The following VSIG1 variants were observed in gnomAD, a reference collection of about 807,000 sequenced individuals.
The protein encoded by VSIG1 is V-set and immunoglobulin domain-containing protein 1.
A neutral mutation model predicts 20.1 loss-of-function variants in VSIG1; 11 were observed. The observed-to-expected ratio is 0.55, with a 90% CI of 0.34 to 0.91. The LOEUF is 0.91. Ranked by LOEUF, VSIG1 falls within the 40% of genes least tolerant of loss-of-function variation. VSIG1 has a pLI of 0.02. For missense variants in VSIG1, 283 were observed against 298.8 expected (o/e 0.95, Z 0.39); for synonymous variants, 126 against 116.7 (o/e 1.08, Z -0.52).
chrX:108,046,445 C>T (rs936533975), intron 1 of VSIG1, among the ~76,000 whole-genome samples: 3 of 111,028 alleles, frequency 2.7e-5, no homozygotes, highest in African/African-American at 6.6e-5. Flanking sequence ...CCAGTTGGGT[C>T]GACCCCTGGG....
intron 4 of VSIG1, 133 bp downstream of exon 4, chrX:108,072,965 C>A: frequency 1.4e-6 from 1 of 693,576 alleles, no homozygotes; most frequent in Non-Finnish European, 2.1e-6. Context: ...TGGAGGGGGG[C>A]GGCTGGTAAT....
chrX:108,046,151 G>A lies in VSIG1; in HGVS notation c.49+972G>A, dbSNP rs755409889. Among the ~76,000 whole-genome samples, 5 of 111,397 alleles carry A rather than the reference G, an allele frequency of 4.5e-5. No homozygotes were observed. The South Asian group carries it at 1.9e-3, about 43-fold the overall frequency. ...TTTTCATACTTCCTGGGTTTTCTAC[G>A]AAGAACATTATGCTATTTTTATAAT... On this transcript the variant is annotated intron_variant, in intron 1 of 6. Transcript: ENST00000217957.
intron 1 of VSIG1, among the ~76,000 whole-genome samples, chrX:108,047,963 T>C (rs151298806): frequency 0.053 from 417 of 7,928 alleles, 37 homozygotes; most frequent in African/African-American, 0.095. Context: ...TACACACACA[T>C]ATATATATAT....
chrX:108,060,542 C>T (rs191686768), intron 2 of VSIG1, among the ~76,000 whole-genome samples: 1 of 111,438 alleles, frequency 9.0e-6, no homozygotes, highest in Non-Finnish European at 1.9e-5. Flanking sequence ...TCTAAAGAAC[C>T]GGAGTCCTTC....
intron 6 of VSIG1, among the ~76,000 whole-genome samples, chrX:108,076,610 A>G (rs900979986): frequency 1.8e-5 from 2 of 112,353 alleles, no homozygotes; most frequent in Non-Finnish European, 3.8e-5. Flanking sequence ...CCCACAGCTC[A>G]TGCTCTTAAT....
chrX:108,069,753 G>A (rs747707884), intron 3 of VSIG1, among the ~76,000 whole-genome samples: 11 of 111,897 alleles, frequency 9.8e-5, no homozygotes, highest in South Asian at 7.5e-4. Flanking sequence ...TAAAAGATAG[G>A]GTCTTAGCCC....
chrX:108,037,010 A>G, the VSIG1 span, among the ~76,000 whole-genome samples: 1 of 111,809 alleles, frequency 8.9e-6, no homozygotes, highest in Admixed American at 9.5e-5. Context: ...TTGGAGAGAC[A>G]GAGAGATGTA....
In VSIG1 at chrX:108,078,387, C is replaced by A. The variant is rs1168991180; in HGVS notation, c.*1006C>A. Reference sequence around the variant, plus strand: ...GGTGGATCACCTGAGGTCAGGAGTTCGAGACCAGCCTGGCCAACATGGCGA... The same window carrying A: ...GGTGGATCACCTGAGGTCAGGAGTTAGAGACCAGCCTGGCCAACATGGCGA... On this transcript the variant is annotated 3_prime_UTR_variant, in exon 7 of 7. Transcript: ENST00000217957. 9.0e-6 allele frequency: 1 copy of A among 111,635 alleles called. No individual in the cohort carries two copies. Among genetic ancestry groups the A allele is most frequent in the Non-Finnish European group, 1.9e-5 (1 of 53,103 alleles). 9.2% of individuals were successfully genotyped at this position (111,635 alleles called of 1,213,427 possible). A position where few individuals can be genotyped will look rare whatever the true frequency, so the allele number is the denominator to read the frequency against.
chrX:108,041,034 A>G (rs1185606506), upstream of VSIG1, among the ~76,000 whole-genome samples: 1 of 107,380 alleles, frequency 9.3e-6, no homozygotes, highest in Non-Finnish European at 1.9e-5. Flanking sequence ...TTACTATCAA[A>G]ATGTATTACT....
the VSIG1 span, among the ~76,000 whole-genome samples, chrX:108,020,695 C>T: frequency 1.8e-5 from 2 of 111,400 alleles, no homozygotes; most frequent in Admixed American, 1.9e-4. Flanking sequence ...ATCTTTTTTC[C>T]CACTAGGTCA....
intron 2 of VSIG1, chrX:108,064,817 A>G (rs2031095790): frequency 2.9e-6 from 2 of 699,963 alleles, no homozygotes; most frequent in Non-Finnish European, 1.7e-6. Context: ...CAAACTGTCA[A>G]TTAGAAAGTA....
rs371829540 is a variant in VSIG1, at chrX:108,058,078, C to T, written c.90C>T (p.Phe30=). Residue 30 remains phenylalanine, a synonymous_variant, in exon 2 of 7, where the codon TTC becomes TTT. Coordinates refer to ENST00000217957, the MANE Select transcript of VSIG1 (RefSeq NM_182607.5). ...SVVQVTIPDG[F]VNVTVGSNVT... is the part of the protein sequence containing the mutation. ...TGCAAGTGACCATCCCAGACGGTTTCGTGAACGTGACTGTTGGATCTAATG... is the reference window on the plus strand; with the variant it reads ...TGCAAGTGACCATCCCAGACGGTTTTGTGAACGTGACTGTTGGATCTAATG... 16 of 1,208,561 alleles carry T rather than the reference C, an allele frequency of 1.3e-5. No homozygotes were observed. The highest frequency in any genetic ancestry group is 7.0e-5 in the African/African-American group (4 of 56,958).
chrX:108,044,136 T>C (rs190240704), upstream of VSIG1, among the ~76,000 whole-genome samples: 3 of 111,688 alleles, frequency 2.7e-5, no homozygotes, highest in East Asian at 5.6e-4. Flanking sequence ...TGGACCAAGA[T>C]GGAAGCAGCA....
chrX:108,032,120 C>T, the VSIG1 span, among the ~76,000 whole-genome samples: 1 of 112,179 alleles, frequency 8.9e-6, no homozygotes, highest in Non-Finnish European at 1.9e-5. Context: ...TTTGACAAGC[C>T]TTCACCAATT....
chrX:108,028,788 C>T, the VSIG1 span, among the ~76,000 whole-genome samples: 1 of 111,331 alleles, frequency 9.0e-6, no homozygotes, highest in South Asian at 3.8e-4. Flanking sequence ...AAGAGATAAG[C>T]GAAGGGTTAG....
At chrX:108,046,150 C>T (rs1269142062) in intron 1 of VSIG1, among the ~76,000 whole-genome samples, 3 of 111,048 alleles carry the variant, frequency 2.7e-5, no homozygotes, top group Non-Finnish European at 3.8e-5. Context: ...GGGTTTTCTA[C>T]GAAGAACATT....
At chrX:108,038,311 T>G in the VSIG1 span, among the ~76,000 whole-genome samples, 8 of 111,129 alleles carry the variant, frequency 7.2e-5, no homozygotes, top group Non-Finnish European at 1.3e-4. Context: ...CCATGTGTTC[T>G]CATTGTTCAA....
chrX:108,073,301 G>T lies in VSIG1; in HGVS notation c.620G>T (p.Gly207Val). The T allele has an allele frequency of 8.3e-7, 1 of 1,210,860 alleles. No homozygotes were observed. Residue 207 changes from glycine (G) to valine (V), a missense_variant, in exon 5 of 7, where the codon GGT (glycine) becomes GTT (valine). By Grantham distance (109) the Gly-to-Val change is moderately radical. Transcript: ENST00000217957. ...VIGNLTNFEQ[G>V]YYQCTAINRL... ...GGAAATCTGACAAATTTTGAACAAG[G>T]TTATTACCAGTGTACTGCCATCAAC... is the stretch of plus-strand genomic sequence containing the variant.
intron 1 of VSIG1, among the ~76,000 whole-genome samples, chrX:108,054,835 TAAC>T (rs1466653120): frequency 9.2e-6 from 1 of 109,171 alleles, no homozygotes; most frequent in African/African-American, 3.3e-5. Flanking sequence ...GAGAAATTTC[TAAC>T]ACTAAATGTT....
Sources: allele counts gnomAD v4.1 joint callset (sites outside exome capture counted in the v4.1 genomes callset), GRCh38; gene constraint gnomAD v4.1.1; transcripts MANE v1.5; gene names NCBI Gene and HGNC (gene_info 2026-07-23, HGNC 2026-07-21).